UNC5C: variants seen among roughly 807,000 people sequenced by gnomAD.
UNC5C encodes netrin receptor UNC5C.
UNC5C carries 47 observed loss-of-function variants against 99.8 expected under a neutral mutation model. The observed-to-expected ratio is 0.47, with a 90% CI of 0.37 to 0.60. The LOEUF (loss-of-function observed/expected upper bound fraction) is 0.60. Ranked by LOEUF, UNC5C falls within the 20% of genes least tolerant of loss-of-function variation. The pLI, the probability that UNC5C is intolerant of heterozygous loss-of-function variation, is 0.00. For missense variants in UNC5C, 1,062 were observed against 1,165.9 expected (o/e 0.91, Z 1.30); for synonymous variants, 487 against 452.2 (o/e 1.08, Z -0.98).
chr4:95,487,329 G>A (rs1225822617), intron 1 of UNC5C, among the ~76,000 whole-genome samples: 1 of 151,664 alleles, frequency 6.6e-6, no homozygotes, highest in Non-Finnish European at 1.5e-5. Context: ...CTGAATGTGA[G>A]GTTTTATTAA....
At chr4:95,547,814 A>G (rs1395994576) in intron 1 of UNC5C, among the ~76,000 whole-genome samples, 1 of 152,178 alleles carries the variant, frequency 6.6e-6, no homozygotes, top group East Asian at 1.9e-4. Context: ...AACTAGGCGG[A>G]CAAGAAGGGA....
chr4:95,526,915 C>T (rs1305503532), intron 1 of UNC5C, among the ~76,000 whole-genome samples: 3 of 151,810 alleles, frequency 2.0e-5, no homozygotes, highest in African/African-American at 7.2e-5. Context: ...ATAAAATTAG[C>T]TGAAAGTTGA....
intron 1 of UNC5C, among the ~76,000 whole-genome samples, chr4:95,423,580 A>G (rs923864919): frequency 6.6e-6 from 1 of 152,222 alleles, no homozygotes; most frequent in Non-Finnish European, 1.5e-5. Context: ...AAATAAATAC[A>G]TTTTGAGATT....
chr4:95,437,547 T>C (rs1746829637), intron 1 of UNC5C, among the ~76,000 whole-genome samples: 1 of 152,050 alleles, frequency 6.6e-6, no homozygotes, highest in Non-Finnish European at 1.5e-5. Flanking sequence ...ATAAAGGAGA[T>C]AGCCCTTCTT....
intron 12 of UNC5C, among the ~76,000 whole-genome samples, chr4:95,201,635 A>G (rs1004906040): frequency 4.7e-5 from 7 of 148,316 alleles, no homozygotes; most frequent in East Asian, 2.0e-4. Flanking sequence ...ACAGAGTTTC[A>G]CTCTGTCGCC....
chr4:95,475,451 A>G (rs1490973682), intron 1 of UNC5C, among the ~76,000 whole-genome samples: 5 of 152,022 alleles, frequency 3.3e-5, no homozygotes, highest in Non-Finnish European at 7.4e-5. Context: ...TATATTAAAA[A>G]CAACCAGTGC....
At chr4:95,205,437 G>A (rs1737841153) in intron 11 of UNC5C, among the ~76,000 whole-genome samples, 1 of 152,006 alleles carries the variant, frequency 6.6e-6, no homozygotes, top group African/African-American at 2.4e-5. Context: ...CCCCTGATAT[G>A]GTCAAGAGTA....
intron 1 of UNC5C, among the ~76,000 whole-genome samples, chr4:95,491,630 A>G (rs184710976): frequency 6.6e-6 from 1 of 151,754 alleles, no homozygotes; most frequent in African/African-American, 2.4e-5. Flanking sequence ...GCTAGTAATT[A>G]CCACATCAGA....
intron 1 of UNC5C, among the ~76,000 whole-genome samples, chr4:95,519,004 C>T (rs1029553933): frequency 3.3e-5 from 5 of 152,090 alleles, no homozygotes; most frequent in African/African-American, 1.2e-4. Flanking sequence ...TAGAGAAAGT[C>T]TCTATTTTCT....
intron 4 of UNC5C, among the ~76,000 whole-genome samples, chr4:95,252,492 C>T (rs1178101154): frequency 6.6e-6 from 1 of 152,102 alleles, no homozygotes; most frequent in Non-Finnish European, 1.5e-5. Flanking sequence ...TCCCCATTAG[C>T]CCCATTAGCC....
intron 1 of UNC5C, among the ~76,000 whole-genome samples, chr4:95,480,050 T>C (rs1186174862): frequency 6.6e-6 from 1 of 151,532 alleles, no homozygotes; most frequent in Non-Finnish European, 1.5e-5. Flanking sequence ...ACCTCGGGCC[T>C]GTGTCTTGGA....
chr4:95,530,916 A>G (rs1028821034), intron 1 of UNC5C, among the ~76,000 whole-genome samples: 2 of 152,202 alleles, frequency 1.3e-5, no homozygotes. Context: ...AATTAATTTA[A>G]AAAAGGAAGT....
chr4:95,496,520 T>C (rs575976573), intron 1 of UNC5C, among the ~76,000 whole-genome samples: 1 of 151,902 alleles, frequency 6.6e-6, no homozygotes, highest in East Asian at 1.9e-4. Flanking sequence ...TATTTTAGTA[T>C]GTGCCACTAA....
intron 2 of UNC5C, among the ~76,000 whole-genome samples, chr4:95,308,376 A>G (rs1172850965): frequency 6.6e-6 from 1 of 152,156 alleles, no homozygotes; most frequent in African/African-American, 2.4e-5. Context: ...AATAAAATAC[A>G]TAGAAATAAA....
At chr4:95,212,877 CT>C (rs1437448620) in intron 10 of UNC5C, among the ~76,000 whole-genome samples, 1 of 152,214 alleles carries the variant, frequency 6.6e-6, no homozygotes, top group Non-Finnish European at 1.5e-5. Flanking sequence ...TCTCCATACC[CT>C]CTCCATTCTC....
intron 2 of UNC5C, among the ~76,000 whole-genome samples, chr4:95,331,390 C>T (rs903489703): frequency 3.3e-5 from 5 of 152,064 alleles, no homozygotes; most frequent in Admixed American, 6.6e-5. Flanking sequence ...TGAGAAATCT[C>T]CATACTGTTT....
intron 6 of UNC5C, among the ~76,000 whole-genome samples, chr4:95,243,275 G>A (rs986888985): frequency 6.6e-6 from 1 of 151,910 alleles, no homozygotes; most frequent in Non-Finnish European, 1.5e-5. Flanking sequence ...TATTTCTTGT[G>A]ATTCAGTCAT....
At position 95,170,289 on chromosome 4, in the gene UNC5C, G is replaced by T; in HGVS notation, c.2495C>A (p.Thr832Asn). The change falls in exon 15 of 16, where the codon ACC becomes AAC. Residue 832 changes from threonine (T) to asparagine (N), a missense_variant. Coordinates refer to ENST00000453304, the MANE Select transcript of UNC5C (RefSeq NM_003728.4). Reference protein sequence around the residue: ...IDLPLLDPANTITTVTGPSAF... With the variant: ...IDLPLLDPANNITTVTGPSAF... ...ACTGGGCCCCGTGACCGTGGTGATG[G>T]TGTTCGCAGGATCCAGCAGCGGCAA... is the stretch of plus-strand genomic sequence containing the variant. 1 of 1,614,190 alleles carries T rather than the reference G, an allele frequency of 6.2e-7. No homozygotes were observed. The highest frequency in any genetic ancestry group is 2.2e-5 in the East Asian group (1 of 44,870).
chr4:95,509,938 T>C (rs72876475), intron 1 of UNC5C, among the ~76,000 whole-genome samples: 15,394 of 151,906 alleles, frequency 0.1, 2,091 homozygotes, highest in African/African-American at 0.31. Flanking sequence ...AATTACAATA[T>C]TGTTAGATAG....
Sources: allele counts gnomAD v4.1 joint callset (sites outside exome capture counted in the v4.1 genomes callset), GRCh38; gene constraint gnomAD v4.1.1; transcripts MANE v1.5; gene names NCBI Gene and HGNC (gene_info 2026-07-23, HGNC 2026-07-21).